The following LRRTM4 variants were observed in gnomAD, a reference collection of about 807,000 sequenced individuals.
LRRTM4 encodes the protein leucine-rich repeat transmembrane neuronal protein 4.
In LRRTM4, 25 loss-of-function variants were observed where a neutral mutation model predicts 47.6. That is an observed-to-expected ratio of 0.53 (90% CI 0.38 to 0.73). The LOEUF (loss-of-function observed/expected upper bound fraction) is 0.73, where lower values mean the gene tolerates loss of function less well. Ranked by LOEUF, LRRTM4 falls within the 30% of genes least tolerant of loss-of-function variation. LRRTM4 has a pLI of 0.00. For synonymous variants in LRRTM4, 311 were observed against 269.5 expected (o/e 1.15, Z -1.51); for missense variants, 638 against 713.4 (o/e 0.89, Z 1.20).
chr2:76,979,632 G>A lies in LRRTM4; in HGVS notation c.1552-230716C>T, dbSNP rs138541448. ...AAGGGAACTAGCACGACATTTTATG[G>A]TATATTCATGAATCTGCAAGAGCTT... On this transcript the variant is annotated intron_variant, in intron 3 of 3. Coordinates refer to ENST00000409884, the MANE Select transcript of LRRTM4 (RefSeq NM_001134745.3). Among the ~76,000 whole-genome samples, 660 of 148,266 alleles carry A rather than the reference G, an allele frequency of 4.5e-3. 9 individuals carry two copies. Among genetic ancestry groups the A allele is most frequent in the African/African-American group, 0.016 (620 of 39,186 alleles).
intron 3 of LRRTM4, among the ~76,000 whole-genome samples, chr2:77,303,545 A>G (rs1473767498): frequency 6.6e-6 from 1 of 152,180 alleles, no homozygotes; most frequent in Non-Finnish European, 1.5e-5. Context: ...ATCAAACACA[A>G]TTAGTGTCCC....
chr2:77,188,695 G>A (rs1673581417), intron 3 of LRRTM4, among the ~76,000 whole-genome samples: 1 of 152,150 alleles, frequency 6.6e-6, no homozygotes, highest in South Asian at 2.1e-4. Flanking sequence ...TAATGTGTGT[G>A]CTTAATTCTC....
chr2:76,912,743 T>C lies in LRRTM4; in HGVS notation c.1552-163827A>G, dbSNP rs138693551. 6.6e-5 allele frequency among the ~76,000 whole-genome samples: 10 copies of C among 152,298 alleles called. No individual in the cohort carries two copies. In the East Asian group the frequency reaches 1.9e-3, roughly 29 times the overall value. On this transcript the variant is annotated intron_variant, in intron 3 of 3. Transcript: ENST00000409884. ...CCTATGGTTTAACACCATCTCCCCT[T>C]AGTGCTGTCCTCGGGATAGTGAGTT...
chr2:76,922,478 CA>C lies in LRRTM4; in HGVS notation c.1552-173563del, dbSNP rs1674463554. ...AGCCTCCATGATTCAATCATCCCCCCACCAGACCCTTCCCCTGACACACGGG... is the reference window on the plus strand; with the variant it reads ...AGCCTCCATGATTCAATCATCCCCCCCCAGACCCTTCCCCTGACACACGGG... On this transcript the variant is annotated intron_variant, in intron 3 of 3. Transcript: ENST00000409884. Among the ~76,000 whole-genome samples the C allele has an allele frequency of 2.0e-5, 3 of 152,196 alleles. 1 individual carries two copies. Among genetic ancestry groups the C allele is most frequent in the African/African-American group, 7.2e-5 (3 of 41,544 alleles).
intron 3 of LRRTM4, among the ~76,000 whole-genome samples, chr2:77,078,380 C>CCACACACACACA (rs59703273): frequency 7.2e-6 from 1 of 139,244 alleles, no homozygotes; most frequent in Non-Finnish European, 1.6e-5. Context: ...ACACACACAC[C>CCACACACACACA]CACACACACA....
chr2:77,055,524 A>C (rs976765296), intron 3 of LRRTM4, among the ~76,000 whole-genome samples: 13 of 152,244 alleles, frequency 8.5e-5, no homozygotes, highest in African/African-American at 2.4e-4. Flanking sequence ...GGCAATCATT[A>C]AAAAGTCAGT....
chr2:76,905,792 G>C (rs1673812338), intron 3 of LRRTM4, among the ~76,000 whole-genome samples: 1 of 152,010 alleles, frequency 6.6e-6, no homozygotes, highest in Non-Finnish European at 1.5e-5. Context: ...GGCAAGTTTA[G>C]AGAAAAAAGA....
At chr2:76,845,116 G>T (rs1671800437) in intron 3 of LRRTM4, among the ~76,000 whole-genome samples, 1 of 152,198 alleles carries the variant, frequency 6.6e-6, no homozygotes, top group South Asian at 2.1e-4. Context: ...GGTAGAACCT[G>T]ACTGTAAACA....
intron 3 of LRRTM4, among the ~76,000 whole-genome samples, chr2:77,452,390 T>C (rs1304361154): frequency 1.3e-5 from 2 of 152,178 alleles, no homozygotes; most frequent in Admixed American, 6.5e-5. Context: ...AAGAAAATGT[T>C]GAGGGTCTTA....
intron 3 of LRRTM4, among the ~76,000 whole-genome samples, chr2:77,386,401 A>G (rs1436572784): frequency 6.6e-6 from 1 of 152,162 alleles, no homozygotes; most frequent in East Asian, 1.9e-4. Context: ...TATTTTGCTG[A>G]GAAGGATGGT....
At chr2:76,897,118 T>C (rs773373167) in intron 3 of LRRTM4, among the ~76,000 whole-genome samples, 1 of 152,044 alleles carries the variant, frequency 6.6e-6, no homozygotes, top group Admixed American at 6.6e-5. Flanking sequence ...TCCAATGAGT[T>C]TGAAAGCAAT....
chr2:77,267,307 T>C (rs1335404997), intron 3 of LRRTM4, among the ~76,000 whole-genome samples: 1 of 152,162 alleles, frequency 6.6e-6, no homozygotes, highest in Non-Finnish European at 1.5e-5. Context: ...ACAATAGAGC[T>C]TTCTTTCTCA....
At chr2:77,001,933 T>C (rs1357797906) in intron 3 of LRRTM4, among the ~76,000 whole-genome samples, 1 of 152,180 alleles carries the variant, frequency 6.6e-6, no homozygotes, top group Non-Finnish European at 1.5e-5. Flanking sequence ...TAAAACACTC[T>C]GCCCTCCTGC....
At chr2:77,072,626 C>A (rs780742148) in intron 3 of LRRTM4, among the ~76,000 whole-genome samples, 1 of 151,678 alleles carries the variant, frequency 6.6e-6, no homozygotes, top group African/African-American at 2.4e-5. Context: ...GACGAAATCC[C>A]GTCTGTACTA....
At chr2:76,906,059 T>C (rs546956518) in intron 3 of LRRTM4, among the ~76,000 whole-genome samples, 2 of 151,768 alleles carry the variant, frequency 1.3e-5, no homozygotes, top group East Asian at 2.0e-4. Flanking sequence ...TTCACTAAAG[T>C]TGAAATGAAG....
intron 3 of LRRTM4, among the ~76,000 whole-genome samples, chr2:77,023,705 C>T (rs1008007199): frequency 2.7e-4 from 41 of 152,176 alleles, no homozygotes; most frequent in African/African-American, 9.4e-4. Context: ...TTCTCATCTC[C>T]ATTTGAGGCC....
intron 3 of LRRTM4, among the ~76,000 whole-genome samples, chr2:77,102,277 G>C (rs535098352): frequency 6.6e-6 from 1 of 152,146 alleles, no homozygotes; most frequent in Non-Finnish European, 1.5e-5. Flanking sequence ...CACCTCTTAC[G>C]TGTTGCTTCC....
At chr2:77,474,612 C>T (rs1192661905) in intron 3 of LRRTM4, among the ~76,000 whole-genome samples, 4 of 152,002 alleles carry the variant, frequency 2.6e-5, no homozygotes, top group Admixed American at 1.3e-4. Context: ...AACTCTGGTA[C>T]CAAATTGTTA....
intron 3 of LRRTM4, among the ~76,000 whole-genome samples, chr2:77,049,122 T>TCATA (rs34587249): frequency 6.4e-5 from 4 of 62,698 alleles, no homozygotes; most frequent in African/African-American, 1.8e-4. Context: ...ATTTCATTTT[T>TCATA]TATATATATA....
Sources: allele counts gnomAD v4.1 joint callset (sites outside exome capture counted in the v4.1 genomes callset), GRCh38; gene constraint gnomAD v4.1.1; transcripts MANE v1.5; gene names NCBI Gene and HGNC (gene_info 2026-07-23, HGNC 2026-07-21).